CACNA1B: variants seen among roughly 807,000 people sequenced by gnomAD.
The protein encoded by CACNA1B is calcium voltage-gated channel subunit alpha1 B, also known as voltage-dependent N-type calcium channel subunit alpha-1B.
CACNA1B carries 70 observed loss-of-function variants against 247.2 expected under a neutral mutation model. The ratio of observed to expected loss-of-function variants is 0.28; its 90% CI spans 0.23 to 0.35. The LOEUF (loss-of-function observed/expected upper bound fraction) is 0.35, where lower values mean the gene tolerates loss of function less well. CACNA1B is among the 10% of genes least tolerant of loss of function. The pLI is 1.00. For missense variants in CACNA1B, 2,367 were observed against 3,197.4 expected (o/e 0.74, Z 6.26); for synonymous variants, 1,231 against 1,294.4 (o/e 0.95, Z 1.05).
chr9:138,024,494 G>C (rs985102238), intron 19 of CACNA1B, among the ~76,000 whole-genome samples: 4 of 152,300 alleles, frequency 2.6e-5, no homozygotes, highest in African/African-American at 4.8e-5. Context: ...CCTGCCTTTC[G>C]GACTAAAGAC....
chr9:138,043,381 G>C (rs962551007), intron 20 of CACNA1B, among the ~76,000 whole-genome samples: 10 of 152,194 alleles, frequency 6.6e-5, no homozygotes, highest in Non-Finnish European at 1.0e-4. Flanking sequence ...TGTGGATCGG[G>C]GGCTGGCCCC....
intron 15 of CACNA1B, among the ~76,000 whole-genome samples, chr9:138,000,676 C>T (rs1185583888): frequency 6.6e-6 from 1 of 152,138 alleles, no homozygotes; most frequent in Non-Finnish European, 1.5e-5. Flanking sequence ...CATGCAAGGA[C>T]AATTTAAGAC....
At chr9:137,997,243 T>G (rs1487687919) in intron 15 of CACNA1B, among the ~76,000 whole-genome samples, 2 of 152,216 alleles carry the variant, frequency 1.3e-5, no homozygotes, top group Admixed American at 6.5e-5. Context: ...TGATAATTTT[T>G]TTTTAAGTAA....
Position 137,881,384 on chromosome 9 carries a change from G to A in CACNA1B, c.391-1360G>A, listed in dbSNP as rs780996403. Among the ~76,000 whole-genome samples, 68 of 152,126 alleles carry A rather than the reference G, an allele frequency of 4.5e-4. No homozygotes were observed. Among genetic ancestry groups the A allele is most frequent in the African/African-American group, 4.3e-4 (18 of 41,412 alleles). ...GCTGAGTAAGGTGGGAGTCAGATGC[G>A]GAGAGCCCTCGAGAGCCTGGCTTCC... On this transcript the variant is annotated intron_variant, in intron 2 of 46. Transcript: ENST00000371372. This position sits in a 1 kb window ranked among gnomAD's most constrained non-coding sequence, Gnocchi z 4.3.
chr9:137,911,907 A>G (rs1354272227), intron 3 of CACNA1B, among the ~76,000 whole-genome samples: 2 of 152,202 alleles, frequency 1.3e-5, no homozygotes, highest in Admixed American at 6.5e-5. Context: ...ATGAAGTTTC[A>G]GGTTTGGTTT....
At position 138,023,146 on chromosome 9, in the gene CACNA1B, T is replaced by C; in HGVS notation, c.2403T>C (p.Thr801=). ...MDPEERLRFA[T]TRHLRPDMKT... ...CCGAGGAGCGGCTGCGCTTCGCCAC[T>C]ACGCGCCACCTGCGGCCCGACATGA... The change falls in exon 19 of 47, where the codon ACT becomes ACC. Residue 801 remains threonine, a synonymous_variant. Coordinates refer to ENST00000371372, the MANE Select transcript of CACNA1B (RefSeq NM_000718.4). The C allele has an allele frequency of 2.0e-6, 3 of 1,536,528 alleles. No homozygotes were observed. Among genetic ancestry groups the C allele is most frequent in the Non-Finnish European group, 2.6e-6 (3 of 1,149,440 alleles).
chr9:137,902,845 T>C (rs1018564240), intron 3 of CACNA1B, among the ~76,000 whole-genome samples: 1 of 152,206 alleles, frequency 6.6e-6, no homozygotes, highest in Non-Finnish European at 1.5e-5. Flanking sequence ...CCACGAGTGC[T>C]CACTGCACAC....
chr9:138,085,402 CA>C (rs34948400), intron 36 of CACNA1B, among the ~76,000 whole-genome samples: 1 of 150,412 alleles, frequency 6.6e-6, no homozygotes, highest in Non-Finnish European at 1.5e-5. Flanking sequence ...CATGATTAAG[CA>C]AAAAAATATT....
chr9:138,009,964 G>C (rs781595061), intron 16 of CACNA1B, 46 bp from the exon 17 acceptor site: 12 of 1,473,284 alleles, frequency 8.1e-6, no homozygotes, highest in Non-Finnish European at 9.5e-6. Context: ...AGTGTGACTG[G>C]GGCCATGTGG....
chr9:137,923,843 G>A (rs954322627), intron 6 of CACNA1B, among the ~76,000 whole-genome samples: 1 of 152,176 alleles, frequency 6.6e-6, no homozygotes, highest in Admixed American at 6.6e-5. Flanking sequence ...ATTCTGATAG[G>A]GGTATAGTGA....
At chr9:137,892,387 AG>A (rs776374085) in intron 3 of CACNA1B, 12 of 456,182 alleles carry the variant, frequency 2.6e-5, no homozygotes, top group Non-Finnish European at 8.8e-6. Context: ...GGCGGGATGC[AG>A]GGCCAGGCCT....
chr9:137,979,188 C>T (rs1182200916), intron 12 of CACNA1B, among the ~76,000 whole-genome samples: 1 of 152,170 alleles, frequency 6.6e-6, no homozygotes, highest in Non-Finnish European at 1.5e-5. Context: ...ATTTCTATGG[C>T]TTAGGAATTC....
chr9:138,112,040 G>C (rs1961654868), intron 39 of CACNA1B, among the ~76,000 whole-genome samples: 1 of 152,022 alleles, frequency 6.6e-6, no homozygotes. Flanking sequence ...ATTGTTGAAT[G>C]AATAGATGAA....
Position 138,051,922 on chromosome 9 carries a change from A to G in CACNA1B, c.3711-170A>G, listed in dbSNP as rs1440765296. On this transcript the variant is annotated intron_variant, in intron 24 of 46. Coordinates refer to ENST00000371372, the MANE Select transcript of CACNA1B (RefSeq NM_000718.4). The surrounding 1 kb of genome is among the most constrained non-coding windows in gnomAD (Gnocchi z 4.3). ...GGCCAGGCAGCCCCTGGGAAGAGTC[A>G]TGGTGGCCTGTGGCACCTGCAGGGC... Among the ~76,000 whole-genome samples the G allele has an allele frequency of 6.6e-6, 1 of 152,092 alleles. No individual in the cohort carries two copies. The highest frequency in any genetic ancestry group is 6.5e-5 in the Admixed American group (1 of 15,290).
chr9:137,891,764 T>A lies in CACNA1B; in HGVS notation c.530+8881T>A. On this transcript the variant is annotated intron_variant, in intron 3 of 46. Coordinates refer to ENST00000371372, the MANE Select transcript of CACNA1B (RefSeq NM_000718.4). This position sits in a 1 kb window ranked among gnomAD's most constrained non-coding sequence, Gnocchi z 4.3. ...TGTGGGGCTGTAGAGTGGAGGGGCC[T>A]CCACCCTGCGTGCCTGTGTGCAGCC... 9 of 329,688 alleles carry A rather than the reference T, an allele frequency of 2.7e-5. No individual in the cohort carries two copies. Among genetic ancestry groups the A allele is most frequent in the South Asian group, 2.2e-4 (9 of 41,060 alleles). The allele number at this position is 329,688 out of a possible 1,614,324, so 20.4% of individuals were successfully genotyped here. A position where few individuals can be genotyped will look rare whatever the true frequency, so the allele number is the denominator to read the frequency against.
Position 138,073,372 on chromosome 9 carries a change from T to G in CACNA1B, c.4675-116T>G, listed in dbSNP as rs1006779611. On this transcript the variant is annotated intron_variant, in intron 32 of 46. Coordinates refer to ENST00000371372, the MANE Select transcript of CACNA1B (RefSeq NM_000718.4). This position sits in a 1 kb window ranked among gnomAD's most constrained non-coding sequence, Gnocchi z 6.4. ...AAGCAGAGACCTTTGATTTTAATCT[T>G]TTTAACCACTTTTCTTTGGGGCCAC... 14 of 663,936 alleles carry G rather than the reference T, an allele frequency of 2.1e-5. No individual in the cohort carries two copies. Among genetic ancestry groups the G allele is most frequent in the Non-Finnish European group, 3.8e-5 (14 of 364,176 alleles). 41.1% of individuals were successfully genotyped at this position (663,936 alleles called of 1,614,324 possible). A position where few individuals can be genotyped will look rare whatever the true frequency, so the allele number is the denominator to read the frequency against.
chr9:138,021,577 C>T (rs999505759), intron 18 of CACNA1B, among the ~76,000 whole-genome samples: 7 of 152,196 alleles, frequency 4.6e-5, no homozygotes, highest in Admixed American at 1.3e-4. Context: ...CTCTGCAGGC[C>T]GTGGTTGTAG....
Position 137,957,631 on chromosome 9 carries a change from A to G in CACNA1B, c.1277A>G (p.Asn426Ser). 6.2e-7 allele frequency: 1 copy of G among 1,603,006 alleles called. No individual in the cohort carries two copies. Among genetic ancestry groups the G allele is most frequent in the Non-Finnish European group, 8.5e-7 (1 of 1,175,122 alleles). ...LKRAATKKSR[N>S]DLIHAEEGED... Reference sequence around the variant, plus strand: ...AGAGCGGCCACCAAGAAGAGCAGAAATGACCTGATCCACGCAGAGGAGGGA... The same window carrying G: ...AGAGCGGCCACCAAGAAGAGCAGAAGTGACCTGATCCACGCAGAGGAGGGA... Residue 426 changes from asparagine to serine, a missense_variant, in exon 10 of 47, where the codon AAT (asparagine) becomes AGT (serine). Transcript: ENST00000371372. The surrounding 1 kb of genome is among the most constrained non-coding windows in gnomAD (Gnocchi z 4.7).
intron 15 of CACNA1B, among the ~76,000 whole-genome samples, chr9:137,993,482 A>G (rs1958459514): frequency 6.6e-6 from 1 of 152,162 alleles, no homozygotes; most frequent in African/African-American, 2.4e-5. Context: ...AGATCCAAAT[A>G]TAAGCTCAAT....
Sources: gnomAD v4.1 joint callset for allele counts (sites outside exome capture counted in the v4.1 genomes callset) on GRCh38, gnomAD v4.1.1 for gene constraint, Gnocchi (gnomAD v3.1) non-coding constraint, MANE v1.5 for transcripts, NCBI Gene and HGNC (gene_info 2026-07-23, HGNC 2026-07-21) for gene names.